The following CSTPP1 variants were observed in gnomAD, a reference collection of about 807,000 sequenced individuals.
CSTPP1 encodes the protein UPF0705 protein C11orf49.
chr11:47,048,821 T>TAAATACATAA, the CSTPP1 span, among the ~76,000 whole-genome samples: 2 of 152,152 alleles, frequency 1.3e-5, no homozygotes, highest in African/African-American at 4.8e-5. Flanking sequence ...AATGGTTAAA[T>TAAATACATAA]GATAAATATT....
chr11:47,162,958 C>A, the CSTPP1 span, among the ~76,000 whole-genome samples: 2 of 152,094 alleles, frequency 1.3e-5, no homozygotes, highest in African/African-American at 4.8e-5. Flanking sequence ...GGTGGGCCAA[C>A]TGCTTGAGCC....
At chr11:47,131,895 T>G in the CSTPP1 span, among the ~76,000 whole-genome samples, 1 of 152,018 alleles carries the variant, frequency 6.6e-6, no homozygotes, top group Non-Finnish European at 1.5e-5. Flanking sequence ...GAGAATCGCT[T>G]GAACCCAGTA....
At chr11:47,136,841 A>G in the CSTPP1 span, among the ~76,000 whole-genome samples, 37,117 of 152,048 alleles carry the variant, frequency 0.24, 5,246 homozygotes, top group East Asian at 0.65. Flanking sequence ...TGGCTGATCT[A>G]AAATCTTTTG....
At chr11:47,119,304 C>T in the CSTPP1 span, among the ~76,000 whole-genome samples, 1 of 152,246 alleles carries the variant, frequency 6.6e-6, no homozygotes. Flanking sequence ...GTTGCTAAGA[C>T]CTTGGGAAAA....
chr11:46,996,277 A>C, the CSTPP1 span, among the ~76,000 whole-genome samples: 1 of 151,204 alleles, frequency 6.6e-6, no homozygotes, highest in East Asian at 1.9e-4. Context: ...GCCCATTTAC[A>C]TTTAAGGTTA....
the CSTPP1 span, chr11:47,157,024 A>G: frequency 6.2e-7 from 1 of 1,613,950 alleles, no homozygotes; most frequent in Non-Finnish European, 8.5e-7. Context: ...CGGTTCCAGA[A>G]TTCCTGGACA....
chr11:47,047,342 G>A, the CSTPP1 span, among the ~76,000 whole-genome samples: 1 of 152,208 alleles, frequency 6.6e-6, no homozygotes, highest in African/African-American at 2.4e-5. Flanking sequence ...TATAAAACTA[G>A]CTATGAAGCC....
At chr11:47,111,577 CCT>C in the CSTPP1 span, among the ~76,000 whole-genome samples, 2 of 152,136 alleles carry the variant, frequency 1.3e-5, no homozygotes, top group African/African-American at 4.8e-5. Flanking sequence ...CCACTCCTTC[CCT>C]GTCTTTTATT....
At chr11:47,074,248 C>G in the CSTPP1 span, among the ~76,000 whole-genome samples, 7 of 151,978 alleles carry the variant, frequency 4.6e-5, no homozygotes, top group Non-Finnish European at 2.9e-5. Flanking sequence ...GCCTATAGTC[C>G]TAGCACTTTG....
the CSTPP1 span, among the ~76,000 whole-genome samples, chr11:47,126,753 G>A: frequency 6.6e-5 from 10 of 152,076 alleles, no homozygotes; most frequent in Non-Finnish European, 1.3e-4. Context: ...GCAATATGGC[G>A]AAACCTTGTC....
the CSTPP1 span, among the ~76,000 whole-genome samples, chr11:46,956,145 G>A: frequency 1.3e-5 from 2 of 152,180 alleles, no homozygotes; most frequent in South Asian, 2.1e-4. Flanking sequence ...GTGTGTGGGT[G>A]TGTAAGTTTT....
At chr11:47,138,012 C>CA in the CSTPP1 span, 1 of 514,120 alleles carries the variant, frequency 1.9e-6, no homozygotes, top group South Asian at 2.6e-5. Flanking sequence ...CTCCAATACC[C>CA]CCACACACAC....
the CSTPP1 span, among the ~76,000 whole-genome samples, chr11:46,983,033 T>C: frequency 6.6e-6 from 1 of 152,188 alleles, no homozygotes; most frequent in Non-Finnish European, 1.5e-5. Context: ...CAAGAACCCA[T>C]ATTCTTAACC....
the CSTPP1 span, among the ~76,000 whole-genome samples, chr11:47,134,335 C>T: frequency 6.6e-6 from 1 of 152,100 alleles, no homozygotes; most frequent in Non-Finnish European, 1.5e-5. Flanking sequence ...GGATTACAGG[C>T]ACCTGCCACC....
chr11:47,126,160 C>T, the CSTPP1 span, among the ~76,000 whole-genome samples: 1 of 152,072 alleles, frequency 6.6e-6, no homozygotes, highest in Non-Finnish European at 1.5e-5. Context: ...TGTCTCTTCT[C>T]TATTTTCTTA....
the CSTPP1 span, among the ~76,000 whole-genome samples, chr11:47,055,086 C>T: frequency 4.6e-5 from 7 of 151,544 alleles, no homozygotes; most frequent in Non-Finnish European, 8.8e-5. Flanking sequence ...TTGTGCACTA[C>T]CATGTGTGGC....
chr11:47,053,438 G>C, the CSTPP1 span, among the ~76,000 whole-genome samples: 5 of 152,080 alleles, frequency 3.3e-5, no homozygotes, highest in African/African-American at 1.2e-4. Context: ...GTCCAACATG[G>C]TGAAACCCCG....
the CSTPP1 span, among the ~76,000 whole-genome samples, chr11:47,082,867 GTTTTC>G: frequency 3.3e-5 from 5 of 152,010 alleles, no homozygotes; most frequent in Admixed American, 2.0e-4. Context: ...TTCACTCAAT[GTTTTC>G]TTTTCTTTGT....
the CSTPP1 span, among the ~76,000 whole-genome samples, chr11:46,942,255 G>A: frequency 6.6e-6 from 1 of 152,198 alleles, no homozygotes; most frequent in Non-Finnish European, 1.5e-5. Flanking sequence ...GACCCTCTCT[G>A]TAGGACCCGC....
Sources: allele counts gnomAD v4.1 joint callset (sites outside exome capture counted in the v4.1 genomes callset), GRCh38; gene constraint gnomAD v4.1.1; transcripts MANE v1.5; gene names NCBI Gene and HGNC (gene_info 2026-07-23, HGNC 2026-07-21).